The following INTS7 variants were observed in gnomAD, a reference collection of about 807,000 sequenced individuals.
The protein encoded by INTS7 is integrator complex subunit 7.
Under a neutral mutation model 109.2 loss-of-function variants are expected in INTS7, and 46 were observed. That is an observed-to-expected ratio of 0.42 (90% CI 0.33 to 0.54). The LOEUF is 0.54. Among genes scored for constraint, INTS7 ranks in the 20% least tolerant of loss-of-function variants. INTS7 has a pLI of 0.07. For missense variants in INTS7, 929 were observed against 1,132.4 expected (o/e 0.82, Z 2.58); for synonymous variants, 412 against 402.9 (o/e 1.02, Z -0.27).
chr1:212,000,935 A>G (rs1341859554), intron 7 of INTS7, among the ~76,000 whole-genome samples: 1 of 152,130 alleles, frequency 6.6e-6, no homozygotes, highest in Non-Finnish European at 1.5e-5. Flanking sequence ...TGCTGTTGCA[A>G]TTCTTCCCCT....
intron 17 of INTS7, among the ~76,000 whole-genome samples, chr1:211,948,962 C>T (rs978778455): frequency 6.6e-6 from 1 of 152,240 alleles, no homozygotes; most frequent in African/African-American, 2.4e-5. Flanking sequence ...GCCTTGGCCT[C>T]CCAAAGTGCT....
chr1:212,024,397 C>T (rs1379745480), intron 1 of INTS7, among the ~76,000 whole-genome samples: 7 of 152,038 alleles, frequency 4.6e-5, no homozygotes, highest in African/African-American at 1.7e-4. Flanking sequence ...TTTTGTAGTT[C>T]TCGTTGTAGA....
intron 13 of INTS7, among the ~76,000 whole-genome samples, chr1:211,974,308 T>TATATATATATATATATAA (rs1179528621): frequency 7.0e-6 from 1 of 143,736 alleles, no homozygotes; most frequent in South Asian, 2.2e-4. Context: ...TATATATATA[T>TATATATATATATATATAA]AAAATACTTC....
chr1:211,993,322 T>C (rs1665224763), intron 7 of INTS7, among the ~76,000 whole-genome samples: 1 of 152,340 alleles, frequency 6.6e-6, no homozygotes, highest in African/African-American at 2.4e-5. Context: ...TCTTTGAGAC[T>C]ATCTGGAACA....
At chr1:212,006,208 A>G (rs1345929776) in intron 7 of INTS7, among the ~76,000 whole-genome samples, 1 of 152,198 alleles carries the variant, frequency 6.6e-6, no homozygotes, top group Non-Finnish European at 1.5e-5. Flanking sequence ...ACAAAAGAAG[A>G]CTTAGGAATG....
At chr1:211,944,749 A>C in intron 19 of INTS7, 35 bp downstream of exon 19, 1 of 1,554,172 alleles carries the variant, frequency 6.4e-7, no homozygotes, top group Non-Finnish European at 8.9e-7. Flanking sequence ...CTCATATAAA[A>C]CCTGTATCAC....
chr1:211,953,365 G>C (rs1663199146), intron 16 of INTS7, among the ~76,000 whole-genome samples: 1 of 151,914 alleles, frequency 6.6e-6, no homozygotes, highest in African/African-American at 2.4e-5. Flanking sequence ...GTGAAAAAAG[G>C]CATTTCTATT....
intron 15 of INTS7, among the ~76,000 whole-genome samples, 197 bp downstream of exon 15, chr1:211,967,681 G>A (rs779480670): frequency 7.8e-4 from 118 of 151,992 alleles, no homozygotes; most frequent in Non-Finnish European, 1.4e-3. Context: ...ACACCTTCGA[G>A]TCACCATTTT....
intron 7 of INTS7, among the ~76,000 whole-genome samples, chr1:211,989,922 C>T (rs563899794): frequency 3.9e-5 from 6 of 151,958 alleles, no homozygotes; most frequent in Admixed American, 2.0e-4. Context: ...ATAGTCTAAC[C>T]TCATTCATAC....
intron 13 of INTS7, among the ~76,000 whole-genome samples, chr1:211,974,450 G>A (rs1664329672): frequency 6.6e-6 from 1 of 151,276 alleles, no homozygotes; most frequent in Admixed American, 6.6e-5. Context: ...ACGTAAACAG[G>A]TACCAAAAGT....
At chr1:211,980,211 T>C (rs1664596785) in intron 10 of INTS7, among the ~76,000 whole-genome samples, 1 of 152,212 alleles carries the variant, frequency 6.6e-6, no homozygotes, top group African/African-American at 2.4e-5. Flanking sequence ...TGTCACTTAA[T>C]GATGTTACTA....
intron 10 of INTS7, among the ~76,000 whole-genome samples, 196 bp from the exon 11 acceptor site, chr1:211,978,707 A>C (rs1258734450): frequency 6.6e-6 from 1 of 151,658 alleles, no homozygotes; most frequent in African/African-American, 2.4e-5. Context: ...TAAAATAACA[A>C]ATTAGGACTG....
At chr1:211,991,235 G>C (rs1027978952) in intron 7 of INTS7, among the ~76,000 whole-genome samples, 1 of 152,138 alleles carries the variant, frequency 6.6e-6, no homozygotes. Flanking sequence ...AGTCCAAGAA[G>C]AAATATCCAC....
At position 211,988,027 on chromosome 1, in the gene INTS7, T is replaced by C. The variant is rs75451704; in HGVS notation, c.880-24A>G. ...GCCTGGAATGCAGAAGAGAAATGAATATAGAAGTTAAAACATCAATATACT... is the reference window on the plus strand; with the variant it reads ...GCCTGGAATGCAGAAGAGAAATGAACATAGAAGTTAAAACATCAATATACT... On this transcript the variant is annotated intron_variant, in intron 7 of 19. Transcript: ENST00000366994. The C allele has an allele frequency of 1.7e-4, 205 of 1,225,012 alleles. No homozygotes were observed. The Middle Eastern group carries it at 3.4e-3, about 20-fold the overall frequency. 75.9% of individuals were successfully genotyped at this position (1,225,012 alleles called of 1,614,324 possible). A position where few individuals can be genotyped will look rare whatever the true frequency, so the allele number is the denominator to read the frequency against.
chr1:211,953,597 G>A (rs902485501), intron 16 of INTS7, among the ~76,000 whole-genome samples: 2 of 135,136 alleles, frequency 1.5e-5, no homozygotes, highest in African/African-American at 2.8e-5. Flanking sequence ...TCTCCTTCCT[G>A]TGTCCATGTG....
At chr1:212,006,418 G>A (rs1665911493) in intron 7 of INTS7, among the ~76,000 whole-genome samples, 1 of 152,058 alleles carries the variant, frequency 6.6e-6, no homozygotes, top group Admixed American at 6.6e-5. Context: ...GCAACTGAGT[G>A]GCAAGTTTCA....
intron 7 of INTS7, among the ~76,000 whole-genome samples, chr1:211,997,232 T>G (rs1293257888): frequency 6.6e-6 from 1 of 151,004 alleles, no homozygotes; most frequent in Non-Finnish European, 1.5e-5. Context: ...GATGAGAAAC[T>G]GAAGAAGAGC....
chr1:212,023,951 A>G (rs748397627), intron 1 of INTS7, among the ~76,000 whole-genome samples: 1 of 152,216 alleles, frequency 6.6e-6, no homozygotes, highest in Non-Finnish European at 1.5e-5. Flanking sequence ...CTATCCCTGT[A>G]CCATTTATTG....
At chr1:212,000,989 G>T (rs765309695) in intron 7 of INTS7, among the ~76,000 whole-genome samples, 1 of 150,948 alleles carries the variant, frequency 6.6e-6, no homozygotes, top group Admixed American at 6.6e-5. Flanking sequence ...TTACTCCTCC[G>T]AGGATAAAAA....
Sources: gnomAD v4.1 joint callset for allele counts (sites outside exome capture counted in the v4.1 genomes callset) on GRCh38, gnomAD v4.1.1 for gene constraint, MANE v1.5 for transcripts, NCBI Gene and HGNC (gene_info 2026-07-23, HGNC 2026-07-21) for gene names.